The following LRMDA variants were observed in gnomAD, a reference collection of about 807,000 sequenced individuals.
The protein encoded by LRMDA is leucine rich melanocyte differentiation associated.
A neutral mutation model predicts 29.8 loss-of-function variants in LRMDA; 18 were observed. The ratio of observed to expected loss-of-function variants is 0.60; its 90% CI spans 0.42 to 0.90. The LOEUF (loss-of-function observed/expected upper bound fraction) is 0.90, where lower values mean the gene tolerates loss of function less well. Ranked by LOEUF, LRMDA falls within the 40% of genes least tolerant of loss-of-function variation. The probability of loss-of-function intolerance (pLI) is 0.00; values close to 1 mark genes in which losing one functional copy is unlikely to be tolerated. For missense variants in LRMDA, 273 were observed against 273.9 expected, an observed-to-expected ratio of 1.00 and a Z score of 0.02; for synonymous variants, 125 against 109.4, an observed-to-expected ratio of 1.14 and a Z score of -0.89.
rs1201609507 is a variant in LRMDA at position 76,498,446 on chromosome 10, C to A, written c.602-58763C>A. Among the ~76,000 whole-genome samples the A allele has an allele frequency of 2.7e-5, 2 of 75,442 alleles. 1 individual carries two copies. The highest frequency in any genetic ancestry group is 6.5e-5 in the African/African-American group (2 of 30,992). 49.5% of individuals were successfully genotyped at this position (75,442 alleles called of 152,430 possible). ...GAGGTACAGGATGATCTGCAGGCAA[C>A]AAGAGATAGAATGTGGGCCTGCAAA... is the stretch of plus-strand genomic sequence containing the variant. On this transcript the variant is annotated intron_variant, in intron 6 of 6. Coordinates refer to ENST00000611255, the MANE Select transcript of LRMDA (RefSeq NM_001305581.2).
chr10:75,437,721 T>C (rs1204549587), intron 1 of LRMDA, among the ~76,000 whole-genome samples: 1 of 152,220 alleles, frequency 6.6e-6, no homozygotes, highest in Non-Finnish European at 1.5e-5. Context: ...AATAGAAGAA[T>C]GCCCAAAGAA....
intron 6 of LRMDA, among the ~76,000 whole-genome samples, chr10:76,398,118 C>T (rs750205860): frequency 2.0e-5 from 3 of 152,146 alleles, no homozygotes; most frequent in African/African-American, 2.4e-5. Context: ...AACATCAAAA[C>T]GGAGACATTT....
At chr10:76,147,134 A>T (rs1469458778) in intron 5 of LRMDA, among the ~76,000 whole-genome samples, 1 of 152,046 alleles carries the variant, frequency 6.6e-6, no homozygotes, top group Non-Finnish European at 1.5e-5. Flanking sequence ...CCTTCATTTC[A>T]ACTTTGGTGA....
intron 6 of LRMDA, among the ~76,000 whole-genome samples, chr10:76,552,791 A>C (rs1843511152): frequency 6.6e-6 from 1 of 152,206 alleles, no homozygotes; most frequent in African/African-American, 2.4e-5. Context: ...TCCAGGAATC[A>C]GGGAGTCCAG....
At chr10:76,024,561 G>A (rs896209461) in intron 2 of LRMDA, among the ~76,000 whole-genome samples, 8 of 152,192 alleles carry the variant, frequency 5.3e-5, no homozygotes, top group Non-Finnish European at 1.2e-4. Flanking sequence ...CAGAAAACGT[G>A]TTTTCACCTT....
chr10:76,464,355 G>T (rs1412996181), intron 6 of LRMDA, among the ~76,000 whole-genome samples: 1 of 152,132 alleles, frequency 6.6e-6, no homozygotes, highest in Non-Finnish European at 1.5e-5. Context: ...GCAATTGTAA[G>T]GTATGAGTGG....
chr10:75,992,242 TTG>T (rs1847383447), intron 2 of LRMDA, among the ~76,000 whole-genome samples: 1 of 152,106 alleles, frequency 6.6e-6, no homozygotes, highest in African/African-American at 2.4e-5. Context: ...GACATCTCCT[TTG>T]TGCTTGTGAA....
chr10:76,551,169 T>C (rs1157868960), intron 6 of LRMDA, among the ~76,000 whole-genome samples: 3 of 152,206 alleles, frequency 2.0e-5, no homozygotes, highest in Non-Finnish European at 2.9e-5. Flanking sequence ...TCTTTTCAAC[T>C]AGATGTTGTG....
intron 2 of LRMDA, among the ~76,000 whole-genome samples, chr10:75,743,918 A>G (rs1326641153): frequency 6.6e-6 from 1 of 152,184 alleles, no homozygotes; most frequent in Non-Finnish European, 1.5e-5. Flanking sequence ...ACCCAAAGAA[A>G]AAATTGGAAC....
chr10:75,852,554 C>CA (rs1261791188), intron 2 of LRMDA, among the ~76,000 whole-genome samples: 4 of 151,170 alleles, frequency 2.6e-5, no homozygotes, highest in African/African-American at 4.9e-5. Flanking sequence ...AAAAAAACAA[C>CA]AAAAAAATAG....
intron 2 of LRMDA, among the ~76,000 whole-genome samples, chr10:76,027,048 GA>G (rs2132497407): frequency 6.6e-6 from 1 of 152,312 alleles, no homozygotes; most frequent in East Asian, 1.9e-4. Context: ...TGAGGACTTT[GA>G]AATGACTAAG....
chr10:76,327,213 T>C (rs957783929), intron 6 of LRMDA, among the ~76,000 whole-genome samples: 3 of 151,290 alleles, frequency 2.0e-5, no homozygotes, highest in Non-Finnish European at 2.9e-5. Context: ...TGCCTCAGCC[T>C]CCTGAGTAGC....
chr10:76,387,459 G>A (rs775984346), intron 6 of LRMDA, among the ~76,000 whole-genome samples: 6 of 152,000 alleles, frequency 3.9e-5, no homozygotes, highest in African/African-American at 1.2e-4. Flanking sequence ...AAATTAGCTG[G>A]GCATGGTGGT....
intron 6 of LRMDA, among the ~76,000 whole-genome samples, chr10:76,343,681 C>A (rs2132422538): frequency 6.6e-6 from 1 of 151,838 alleles, no homozygotes; most frequent in African/African-American, 2.4e-5. Context: ...AAAGTAAGGA[C>A]AAAACAAGAT....
intron 2 of LRMDA, among the ~76,000 whole-genome samples, chr10:75,696,067 A>T (rs1321396268): frequency 6.6e-6 from 1 of 152,206 alleles, no homozygotes; most frequent in Non-Finnish European, 1.5e-5. Context: ...CAAAAAGATA[A>T]GAGTGTTTAG....
chr10:75,920,688 T>G (rs188784312), intron 2 of LRMDA, among the ~76,000 whole-genome samples: 1 of 152,262 alleles, frequency 6.6e-6, no homozygotes, highest in Admixed American at 6.5e-5. Context: ...GGCTCTCAGA[T>G]TTTCTAGCAC....
intron 2 of LRMDA, among the ~76,000 whole-genome samples, chr10:75,884,245 T>TTGTGTGTGTGTG (rs57507869): frequency 0.016 from 1,707 of 109,418 alleles, 38 homozygotes; most frequent in Admixed American, 0.023. Flanking sequence ...GCAGGCGACT[T>TTGTGTGTGTGTG]TGTGTGTGTG....
At chr10:75,650,175 T>G (rs567875850) in intron 2 of LRMDA, among the ~76,000 whole-genome samples, 6 of 152,224 alleles carry the variant, frequency 3.9e-5, no homozygotes, top group Non-Finnish European at 8.8e-5. Flanking sequence ...TGGTGTCATA[T>G]CCAAGAAATC....
At chr10:75,981,720 TG>T (rs887507189) in intron 2 of LRMDA, among the ~76,000 whole-genome samples, 3 of 151,708 alleles carry the variant, frequency 2.0e-5, no homozygotes, top group African/African-American at 7.3e-5. Context: ...GGAATGGTGG[TG>T]GGCATCTGTA....
Sources: gnomAD v4.1 joint callset for allele counts (sites outside exome capture counted in the v4.1 genomes callset) on GRCh38, gnomAD v4.1.1 for gene constraint, MANE v1.5 for transcripts, NCBI Gene and HGNC (gene_info 2026-07-23, HGNC 2026-07-21) for gene names.